Variants in UBOX5 observed in about 807,000 individuals in gnomAD.
The protein encoded by UBOX5 is RING finger protein 37.
In UBOX5, 28 loss-of-function variants were observed where a neutral mutation model predicts 39.0. The ratio of observed to expected loss-of-function variants is 0.72; its 90% CI spans 0.53 to 0.98. The LOEUF is 0.98. Among genes scored for constraint, UBOX5 ranks in the 50% least tolerant of loss-of-function variants. The pLI is 0.00. For missense variants in UBOX5, 585 were observed against 674.4 expected (o/e 0.87, Z 1.47); for synonymous variants, 283 against 275.5 (o/e 1.03, Z -0.27).
In UBOX5 at chr20:3,122,069, C is replaced by T. The variant is rs1183987588; in HGVS notation, c.570G>A (p.Arg190=). Residue 190 remains arginine (R), a synonymous_variant, in exon 3 of 5, where the codon CGG becomes CGA. Transcript: ENST00000217173. ...TGGCCGGCTGACCCCACACTTCCAA[C>T]CGCTTGATACAAGGGATACCGCCGC... is the stretch of plus-strand genomic sequence containing the variant. The part of the protein sequence containing the change: ...VTGGGIPCIK[R]LEVWGQPAKT... The T allele has an allele frequency of 2.7e-5, 44 of 1,614,140 alleles. No homozygotes were observed. Among genetic ancestry groups the T allele is most frequent in the Non-Finnish European group, 3.7e-5 (44 of 1,180,056 alleles).
chr20:3,148,341 G>A, intron 1 of UBOX5: 1 of 1,614,150 alleles, frequency 6.2e-7, no homozygotes. Context: ...ACCAAAAGGA[G>A]CTGATCCATA....
intron 1 of UBOX5, chr20:3,151,799 T>C (rs2066627940): frequency 6.6e-6 from 1 of 151,250 alleles, no homozygotes; most frequent in African/African-American, 2.4e-5. Context: ...ACAGGAAAGG[T>C]GGGAACAAAA....
At chr20:3,131,806 C>T (rs532117289) in intron 1 of UBOX5, among the ~76,000 whole-genome samples, 13 of 151,604 alleles carry the variant, frequency 8.6e-5, no homozygotes, top group Admixed American at 3.9e-4. Flanking sequence ...GTCAGGAGTT[C>T]GAGATCAGCC....
chr20:3,144,376 A>G (rs1277358346), intron 1 of UBOX5, among the ~76,000 whole-genome samples: 1 of 152,224 alleles, frequency 6.6e-6, no homozygotes, highest in African/African-American at 2.4e-5. Flanking sequence ...AAAACCATTC[A>G]ATGCAGGAAG....
chr20:3,152,361 A>G (rs1470964724), intron 1 of UBOX5, among the ~76,000 whole-genome samples: 1 of 151,332 alleles, frequency 6.6e-6, no homozygotes, highest in Non-Finnish European at 1.5e-5. Flanking sequence ...GGCGCCTGCA[A>G]TTGCAGCTGG....
intron 1 of UBOX5, among the ~76,000 whole-genome samples, chr20:3,132,375 T>C (rs139615817): frequency 0.012 from 1,827 of 152,202 alleles, 17 homozygotes; most frequent in South Asian, 0.044. Flanking sequence ...CCTTAAATTA[T>C]AAACTTAATA....
In UBOX5 at chr20:3,156,509, T is replaced by C. The variant is rs1164870728; in HGVS notation, c.-42+3257A>G. ...TTCAATAAAGGTCAAAGATACCTGA[T>C]ATGATTTCACAAAACTCCTTTCCTA... is the stretch of plus-strand genomic sequence containing the variant. On this transcript the variant is annotated intron_variant, in intron 1 of 4. Transcript: ENST00000217173. Among the ~76,000 whole-genome samples the C allele has an allele frequency of 2.6e-5, 4 of 152,200 alleles. No individual in the cohort carries two copies. The East Asian group carries it at 7.7e-4, about 29-fold the overall frequency.
chr20:3,118,309 C>A (rs894177994), intron 3 of UBOX5, among the ~76,000 whole-genome samples: 2 of 151,868 alleles, frequency 1.3e-5, no homozygotes, highest in Non-Finnish European at 2.9e-5. Flanking sequence ...CCAGTCTATA[C>A]TAAAAATACA....
intron 3 of UBOX5, among the ~76,000 whole-genome samples, chr20:3,120,755 A>G (rs138949176): frequency 1.5e-3 from 234 of 152,318 alleles, no homozygotes; most frequent in African/African-American, 5.4e-3. Context: ...TTGTCCACAC[A>G]TTTACTGAGT....
At chr20:3,113,937 C>A (rs532292629) in intron 4 of UBOX5, among the ~76,000 whole-genome samples, 61 of 152,278 alleles carry the variant, frequency 4.0e-4, no homozygotes, top group African/African-American at 1.3e-3. Flanking sequence ...AGTTCAAAAC[C>A]AGCCTGGCCA....
At chr20:3,147,679 T>A (rs1039003966) in intron 1 of UBOX5, 3 of 1,614,258 alleles carry the variant, frequency 1.9e-6, no homozygotes, top group Non-Finnish European at 1.7e-6. Flanking sequence ...ACTGGTTGAA[T>A]TCAGGCATCT....
chr20:3,148,841 C>G, intron 1 of UBOX5: 1 of 1,614,210 alleles, frequency 6.2e-7, no homozygotes, highest in South Asian at 1.1e-5. Context: ...GAATTCCAAA[C>G]CTGGGTGGGC....
intron 1 of UBOX5, among the ~76,000 whole-genome samples, chr20:3,128,852 C>A (rs2066409184): frequency 1.3e-5 from 2 of 152,028 alleles, no homozygotes; most frequent in Admixed American, 1.3e-4. Flanking sequence ...GACAGTGAGA[C>A]CCTGTCTCAA....
rs192976207 is a variant in UBOX5, at chr20:3,153,433, T to G, written c.-42+6333A>C. Among the ~76,000 whole-genome samples, 6 of 152,356 alleles carry G rather than the reference T, an allele frequency of 3.9e-5. No homozygotes were observed. The East Asian group carries it at 1.2e-3, about 29-fold the overall frequency. ...TTATAACATCTCTGTAATGTAAGTT[T>G]ATAATCCCCATATTACTGATGAGAA... On this transcript the variant is annotated intron_variant, in intron 1 of 4. Coordinates refer to ENST00000217173, the MANE Select transcript of UBOX5 (RefSeq NM_014948.4).
chr20:3,144,705 T>C (rs570208775), intron 1 of UBOX5, among the ~76,000 whole-genome samples: 2 of 152,360 alleles, frequency 1.3e-5, no homozygotes, highest in Admixed American at 6.5e-5. Context: ...ATATATTGTA[T>C]CTGTTACCTG....
intron 1 of UBOX5, among the ~76,000 whole-genome samples, chr20:3,129,999 G>A (rs1417562075): frequency 6.6e-6 from 1 of 152,184 alleles, no homozygotes; most frequent in Non-Finnish European, 1.5e-5. Context: ...GGAGACCAAG[G>A]CAGGAGGATT....
chr20:3,115,953 G>A (rs191553951), intron 3 of UBOX5, among the ~76,000 whole-genome samples: 56 of 152,038 alleles, frequency 3.7e-4, no homozygotes, highest in South Asian at 2.1e-3. Context: ...TAGTAGAGAC[G>A]GGGTTTCACC....
At chr20:3,115,695 GA>G (rs141811674) in intron 3 of UBOX5, among the ~76,000 whole-genome samples, 10,995 of 151,566 alleles carry the variant, frequency 0.073, 503 homozygotes, top group Middle Eastern at 0.12. Flanking sequence ...TCTCCTCCTG[GA>G]GAAACTGCTG....
intron 1 of UBOX5, among the ~76,000 whole-genome samples, chr20:3,156,380 T>C (rs1042926759): frequency 1.3e-5 from 2 of 152,046 alleles, no homozygotes; most frequent in Non-Finnish European, 2.9e-5. Context: ...GGTTTTGCCA[T>C]GTTGGTCAGG....
Sources: allele counts gnomAD v4.1 joint callset (sites outside exome capture counted in the v4.1 genomes callset), GRCh38; gene constraint gnomAD v4.1.1; transcripts MANE v1.5; gene names NCBI Gene and HGNC (gene_info 2026-07-23, HGNC 2026-07-21).